ZFPM2: variants seen among roughly 807,000 people sequenced by gnomAD.
ZFPM2 encodes the protein zinc finger protein, FOG family member 2, also known as zinc finger protein ZFPM2.
Under a neutral mutation model 98.6 loss-of-function variants are expected in ZFPM2, and 20 were observed. The observed-to-expected ratio is 0.20, with a 90% CI of 0.14 to 0.29. The LOEUF is 0.29. Ranked by LOEUF, ZFPM2 falls within the 10% of genes least tolerant of loss-of-function variation. The pLI is 1.00. For missense variants in ZFPM2, 1,310 were observed against 1,388.6 expected, an observed-to-expected ratio of 0.94 and a Z score of 0.90; for synonymous variants, 518 against 502.7, an observed-to-expected ratio of 1.03 and a Z score of -0.41.
rs1563574509 is a variant in ZFPM2 at position 105,802,471 on chromosome 8, A to G, written c.2389A>G (p.Lys797Glu). Residue 797 changes from lysine to glutamate, a missense_variant, in exon 8 of 8, where the codon AAA (lysine) becomes GAA (glutamate). By Grantham distance (56) the Lys-to-Glu change is moderately conservative (BLOSUM62 1). Transcript: ENST00000407775. Reference protein sequence around the residue: ...RCDIFPGIVSKHLETSLTINK... With the variant: ...RCDIFPGIVSEHLETSLTINK... ...TGATATCTTTCCAGGAATTGTCTCT[A>G]AACACTTGGAAACTTCTCTGACGAT... 1.9e-6 allele frequency: 3 copies of G among 1,613,362 alleles called. No homozygotes were observed. The highest frequency in any genetic ancestry group is 2.5e-6 in the Non-Finnish European group (3 of 1,179,650).
At chr8:105,581,295 A>G (rs1211092815) in intron 4 of ZFPM2, among the ~76,000 whole-genome samples, 1 of 152,154 alleles carries the variant, frequency 6.6e-6, no homozygotes, top group Non-Finnish European at 1.5e-5. Flanking sequence ...GTACTAGTGC[A>G]TAGGGGCCAA....
chr8:105,319,987 T>G (rs1277670316), intron 1 of ZFPM2, among the ~76,000 whole-genome samples: 1 of 152,136 alleles, frequency 6.6e-6, no homozygotes, highest in Non-Finnish European at 1.5e-5. Flanking sequence ...AGAAAAAACC[T>G]TATTAGTTTA....
In ZFPM2 at chr8:105,495,855, A is replaced by G. The variant is rs539163304; in HGVS notation, c.301+51474A>G. Among the ~76,000 whole-genome samples the G allele has an allele frequency of 3.4e-3, 517 of 152,312 alleles. 2 individuals are homozygous for G. The highest frequency in any genetic ancestry group is 0.012 in the African/African-American group (501 of 41,564). ...TCACTGAACTTCTTAATCACAGCCT[A>G]TGTGTTTTTATCACACCACTATTTT... On this transcript the variant is annotated intron_variant, in intron 3 of 7. Coordinates refer to ENST00000407775, the MANE Select transcript of ZFPM2 (RefSeq NM_012082.4).
At chr8:105,329,293 G>T (rs575723454) in intron 1 of ZFPM2, among the ~76,000 whole-genome samples, 1 of 151,848 alleles carries the variant, frequency 6.6e-6, no homozygotes, top group Non-Finnish European at 1.5e-5. Flanking sequence ...AAGTAATGTC[G>T]AGCTCCCACA....
intron 5 of ZFPM2, among the ~76,000 whole-genome samples, chr8:105,728,403 T>C (rs1285271648): frequency 6.6e-6 from 1 of 151,794 alleles, no homozygotes; most frequent in African/African-American, 2.4e-5. Context: ...ATTCCATGAT[T>C]TCTTTATTTC....
intron 3 of ZFPM2, among the ~76,000 whole-genome samples, chr8:105,534,034 C>T (rs111215856): frequency 0.011 from 246 of 21,654 alleles, 1 homozygote; most frequent in African/African-American, 0.031. Context: ...CTTCCTCCCT[C>T]CCTCCCTCCC....
At chr8:105,550,186 T>C (rs993124358) in intron 3 of ZFPM2, among the ~76,000 whole-genome samples, 1 of 152,068 alleles carries the variant, frequency 6.6e-6, no homozygotes, top group Non-Finnish European at 1.5e-5. Flanking sequence ...CACAGTGTTT[T>C]GTTTGTTTAA....
chr8:105,617,092 G>A (rs1816436967), intron 4 of ZFPM2, among the ~76,000 whole-genome samples: 1 of 130,598 alleles, frequency 7.7e-6, no homozygotes, highest in African/African-American at 2.8e-5. Context: ...GCAAATGTTG[G>A]ATTTAAACTC....
At chr8:105,517,859 C>A (rs1476420491) in intron 3 of ZFPM2, among the ~76,000 whole-genome samples, 1 of 152,048 alleles carries the variant, frequency 6.6e-6, no homozygotes, top group African/African-American at 2.4e-5. Flanking sequence ...TTGCAGTGAA[C>A]CATGTTCATG....
intron 3 of ZFPM2, chr8:105,528,939 T>G (rs1037504801): frequency 1.3e-5 from 2 of 152,184 alleles, no homozygotes; most frequent in Non-Finnish European, 2.9e-5. Context: ...AACCTGTTTT[T>G]TCATTCTACT....
chr8:105,566,082 G>A (rs1267992671), intron 4 of ZFPM2, among the ~76,000 whole-genome samples: 1 of 152,112 alleles, frequency 6.6e-6, no homozygotes, highest in Admixed American at 6.6e-5. Context: ...CGGGCTTTCA[G>A]TTGATTGGGT....
chr8:105,739,506 A>T (rs1812164098), intron 5 of ZFPM2, among the ~76,000 whole-genome samples: 1 of 151,968 alleles, frequency 6.6e-6, no homozygotes, highest in Non-Finnish European at 1.5e-5. Flanking sequence ...ATTCATTTTT[A>T]TAGGGAGGAA....
chr8:105,581,661 C>T (rs1202508536), intron 4 of ZFPM2, among the ~76,000 whole-genome samples: 1 of 152,080 alleles, frequency 6.6e-6, no homozygotes, highest in Admixed American at 6.5e-5. Flanking sequence ...GCAATTTTCC[C>T]CTTCCAAGTT....
Position 105,634,345 on chromosome 8 carries a change from G to A in ZFPM2, c.520G>A (p.Val174Met). 6.2e-7 allele frequency: 1 copy of A among 1,611,462 alleles called. No individual in the cohort carries two copies. The highest frequency in any genetic ancestry group is 8.5e-7 in the Non-Finnish European group (1 of 1,178,692). Residue 174 changes from valine (V) to methionine (M), a missense_variant, in exon 5 of 8, where the codon GTG becomes ATG. Val to Met is a conservative substitution (Grantham distance 21). Transcript: ENST00000407775. ...GVEDNKNNCI[V>M]YSKGGQLWCT... ...GGAAGACAACAAAAACAACTGCATT[G>A]TGTACAGCAAAGGTAAATGCAAGAT...
chr8:105,755,467 C>G (rs1436419121), intron 5 of ZFPM2, among the ~76,000 whole-genome samples: 1 of 152,120 alleles, frequency 6.6e-6, no homozygotes, highest in Non-Finnish European at 1.5e-5. Flanking sequence ...TACAAAAGAA[C>G]TGGTCATTTG....
chr8:105,421,305 A>G (rs1811788646), intron 2 of ZFPM2, among the ~76,000 whole-genome samples: 1 of 152,154 alleles, frequency 6.6e-6, no homozygotes, highest in South Asian at 2.1e-4. Context: ...AATATTTAGT[A>G]TATGATATAG....
intron 1 of ZFPM2, among the ~76,000 whole-genome samples, chr8:105,372,545 T>C (rs972102571): frequency 4.6e-5 from 7 of 152,114 alleles, no homozygotes; most frequent in African/African-American, 1.7e-4. Flanking sequence ...AGTAATAATG[T>C]TTACTGAGCT....
intron 1 of ZFPM2, among the ~76,000 whole-genome samples, chr8:105,322,491 T>A (rs1011207641): frequency 2.0e-5 from 3 of 150,708 alleles, no homozygotes; most frequent in Non-Finnish European, 4.4e-5. Context: ...CATTATCTGC[T>A]CTCTAGTAGT....
chr8:105,624,291 A>G (rs1816610101), intron 4 of ZFPM2, among the ~76,000 whole-genome samples: 1 of 152,222 alleles, frequency 6.6e-6, no homozygotes, highest in South Asian at 2.1e-4. Context: ...CACTAGGTGC[A>G]AGCCCAGAAA....
Sources: gnomAD v4.1 joint callset for allele counts (sites outside exome capture counted in the v4.1 genomes callset) on GRCh38, gnomAD v4.1.1 for gene constraint, MANE v1.5 for transcripts, NCBI Gene and HGNC (gene_info 2026-07-23, HGNC 2026-07-21) for gene names.